Variants in CACNA2D1 observed in about 807,000 individuals in gnomAD.
CACNA2D1 encodes the protein voltage-dependent calcium channel subunit alpha-2/delta-1.
CACNA2D1 carries 53 observed loss-of-function variants against 171.5 expected under a neutral mutation model. The observed-to-expected ratio is 0.31, with a 90% confidence interval of 0.25 to 0.39. CACNA2D1 has a LOEUF of 0.39. CACNA2D1 is among the 10% of genes least tolerant of loss of function. The pLI is 1.00. For missense variants in CACNA2D1, 903 were observed against 1,299.8 expected, an observed-to-expected ratio of 0.69 and a Z score of 4.69; for synonymous variants, 442 against 443.1, an observed-to-expected ratio of 1.00 and a Z score of 0.03.
At chr7:82,259,722 C>CCTT (rs1361898287) in intron 3 of CACNA2D1, among the ~76,000 whole-genome samples, 1 of 152,086 alleles carries the variant, frequency 6.6e-6, no homozygotes, top group African/African-American at 2.4e-5. Flanking sequence ...GAACAGGGGC[C>CCTT]CTTCACTGCA....
At chr7:82,268,592 G>A (rs532635184) in intron 3 of CACNA2D1, among the ~76,000 whole-genome samples, 19 of 152,102 alleles carry the variant, frequency 1.2e-4, no homozygotes, top group African/African-American at 4.6e-4. Context: ...TAATTATTGG[G>A]GATGTGTGGA....
intron 3 of CACNA2D1, among the ~76,000 whole-genome samples, chr7:82,281,375 T>C (rs1172210196): frequency 3.9e-5 from 6 of 152,180 alleles, no homozygotes; most frequent in Non-Finnish European, 5.9e-5. Flanking sequence ...CCAAACCAGA[T>C]GGATGCTACA....
At chr7:82,060,611 G>T (rs919671993) in intron 9 of CACNA2D1, 84 bp from the exon 10 acceptor site, 2 of 797,648 alleles carry the variant, frequency 2.5e-6, no homozygotes, top group Non-Finnish European at 4.3e-6. Context: ...TGTATGCACT[G>T]ACCCTAGATC....
chr7:82,238,356 G>A (rs182236641), intron 3 of CACNA2D1, among the ~76,000 whole-genome samples: 152 of 151,946 alleles, frequency 1.0e-3, no homozygotes, highest in Non-Finnish European at 1.8e-3. Context: ...GTAGACATTC[G>A]CAAACACATA....
chr7:82,261,086 C>A (rs1232767287), intron 3 of CACNA2D1, among the ~76,000 whole-genome samples: 1 of 151,998 alleles, frequency 6.6e-6, no homozygotes, highest in East Asian at 1.9e-4. Context: ...TCCCAAGTAG[C>A]TAGGATTACA....
rs941626925 is a variant in CACNA2D1, at chr7:82,435,180, C to T, written c.95+8185G>A. Reference sequence around the variant, plus strand: ...CCTCCTCAGCAGCTGGGACTACAGGCGCATGCCATCACACCCGGCTAATTT... The same window carrying T: ...CCTCCTCAGCAGCTGGGACTACAGGTGCATGCCATCACACCCGGCTAATTT... On this transcript the variant is annotated intron_variant, in intron 1 of 38. Coordinates refer to ENST00000356860, the MANE Select transcript of CACNA2D1 (RefSeq NM_000722.4). Among the ~76,000 whole-genome samples, 8 of 151,798 alleles carry T rather than the reference C, an allele frequency of 5.3e-5. No homozygotes were observed. The South Asian group carries it at 6.2e-4, about 12-fold the overall frequency.
chr7:82,315,231 A>G (rs952636261), intron 3 of CACNA2D1, among the ~76,000 whole-genome samples: 2 of 152,162 alleles, frequency 1.3e-5, no homozygotes, highest in South Asian at 2.1e-4. Context: ...AGAAAGGAGC[A>G]TCAGTGTAGA....
chr7:82,211,187 T>C (rs965057844), intron 3 of CACNA2D1, among the ~76,000 whole-genome samples: 2 of 152,188 alleles, frequency 1.3e-5, no homozygotes, highest in African/African-American at 4.8e-5. Context: ...GGATTCTTTT[T>C]AATAAAAGTT....
Position 82,170,564 on chromosome 7 carries a change from T to C in CACNA2D1, c.340A>G (p.Arg114Gly). 6.2e-7 allele frequency: 1 copy of C among 1,612,530 alleles called. No homozygotes were observed. The highest frequency in any genetic ancestry group is 1.1e-5 in the South Asian group (1 of 91,056). ...AEKVQAAHQW[R>G]EDFASNEVVY... The stretch of plus-strand genomic sequence containing the variant: ...GGGGTTCTTACTGCAAAATCTTCTC[T>C]CCACTGGTGAGCTGCTTGAACTTTC... Residue 114 changes from arginine (R) to glycine (G), a missense_variant, in exon 4 of 39, where the codon AGA (arginine) becomes GGA (glycine). Coordinates refer to ENST00000356860, the MANE Select transcript of CACNA2D1 (RefSeq NM_000722.4).
Position 82,233,658 on chromosome 7 carries a change from C to T in CACNA2D1, c.295-63049G>A, listed in dbSNP as rs151105493. Among the ~76,000 whole-genome samples the T allele has an allele frequency of 2.0e-3, 303 of 152,078 alleles. 2 individuals carry two copies. Among genetic ancestry groups the T allele is most frequent in the African/African-American group, 6.9e-3 (286 of 41,512 alleles). On this transcript the variant is annotated intron_variant, in intron 3 of 38. Transcript: ENST00000356860. ...CAACCTTTGAATACCTATCAGTTGG[C>T]GCATACTATACAGGACCTTTTTTTT...
At position 82,291,378 on chromosome 7, in the gene CACNA2D1, A is replaced by C. The variant is rs1811548140; in HGVS notation, c.294+43757T>G. On this transcript the variant is annotated intron_variant, in intron 3 of 38. Transcript: ENST00000356860. ...TTTAGATATATAGATATCTTTATAC[A>C]TCTATATCTATCTACATCTACACTA... 3.0e-5 allele frequency among the ~76,000 whole-genome samples: 4 copies of C among 135,124 alleles called. No homozygotes were observed. The South Asian group carries it at 9.0e-4, about 30-fold the overall frequency. 88.6% of individuals were successfully genotyped at this position (135,124 alleles called of 152,430 possible).
chr7:82,069,339 A>G (rs1808034880), intron 7 of CACNA2D1, among the ~76,000 whole-genome samples: 1 of 152,202 alleles, frequency 6.6e-6, no homozygotes, highest in South Asian at 2.1e-4. Flanking sequence ...TGCTCAGTTT[A>G]GATGACTTTT....
chr7:82,215,743 C>T (rs62463009), intron 3 of CACNA2D1, among the ~76,000 whole-genome samples: 48,978 of 151,534 alleles, frequency 0.32, 9,316 homozygotes, highest in Non-Finnish European at 0.43. Flanking sequence ...TCTTATTGAC[C>T]GTGATTTCTT....
intron 1 of CACNA2D1, among the ~76,000 whole-genome samples, chr7:82,427,211 A>T (rs1247372611): frequency 1.3e-5 from 2 of 152,158 alleles, no homozygotes; most frequent in Non-Finnish European, 2.9e-5. Context: ...ATGGTAGCAA[A>T]ATGTTTAAAA....
At chr7:82,442,130 T>G (rs1486209084) in intron 1 of CACNA2D1, among the ~76,000 whole-genome samples, 1 of 152,226 alleles carries the variant, frequency 6.6e-6, no homozygotes, top group East Asian at 1.9e-4. Context: ...GGATAGAATG[T>G]GCATCCTCCA....
intron 1 of CACNA2D1, among the ~76,000 whole-genome samples, chr7:82,394,643 C>CT (rs1034466497): frequency 6.6e-6 from 1 of 151,972 alleles, no homozygotes; most frequent in African/African-American, 2.4e-5. Context: ...TTTTTAGGGG[C>CT]TTTTTTGGTT....
intron 5 of CACNA2D1, among the ~76,000 whole-genome samples, chr7:82,133,513 G>A (rs1210293564): frequency 6.6e-6 from 1 of 152,126 alleles, no homozygotes; most frequent in African/African-American, 2.4e-5. Flanking sequence ...TTTTGTAAGT[G>A]ATATCGCACT....
At chr7:82,238,372 G>A (rs536313940) in intron 3 of CACNA2D1, among the ~76,000 whole-genome samples, 1 of 151,958 alleles carries the variant, frequency 6.6e-6, no homozygotes, top group African/African-American at 2.4e-5. Flanking sequence ...ACATAATGAA[G>A]TTACTAATAA....
intron 38 of CACNA2D1, among the ~76,000 whole-genome samples, chr7:81,953,184 C>T (rs999105058): frequency 2.6e-5 from 4 of 152,100 alleles, no homozygotes; most frequent in Non-Finnish European, 5.9e-5. Flanking sequence ...CTTCTTGCTT[C>T]CACTTTTGCA....
Sources: allele counts gnomAD v4.1 joint callset (sites outside exome capture counted in the v4.1 genomes callset), GRCh38; gene constraint gnomAD v4.1.1; transcripts MANE v1.5; gene names NCBI Gene and HGNC (gene_info 2026-07-23, HGNC 2026-07-21).